The following BBX variants were observed in gnomAD, a reference collection of about 807,000 sequenced individuals.
BBX encodes HMG box transcription factor BBX.
In BBX, 30 loss-of-function variants were observed where a neutral mutation model predicts 100.2. That is an observed-to-expected ratio of 0.30 (90% CI 0.22 to 0.41). The LOEUF (loss-of-function observed/expected upper bound fraction) is 0.41. BBX is among the 10% of genes least tolerant of loss of function. The pLI, the probability that BBX is intolerant of heterozygous loss-of-function variation, is 1.00. For synonymous variants in BBX, 376 were observed against 388.1 expected (o/e 0.97, Z 0.37); for missense variants, 1,023 against 1,129.8 (o/e 0.91, Z 1.35).
At chr3:107,587,345 C>CA (rs1329577363) in intron 2 of BBX, among the ~76,000 whole-genome samples, 42,589 of 93,724 alleles carry the variant, frequency 0.45, 7,613 homozygotes, top group Middle Eastern at 0.57. Flanking sequence ...ACCCTGTCTC[C>CA]AAAAAAAAAA....
chr3:107,729,381 A>G (rs1310320025), intron 6 of BBX, among the ~76,000 whole-genome samples: 1 of 152,164 alleles, frequency 6.6e-6, no homozygotes, highest in Non-Finnish European at 1.5e-5. Context: ...ATTGAGGGCA[A>G]GAATATGAAC....
At chr3:107,802,522 G>T (rs547075125) in intron 17 of BBX, among the ~76,000 whole-genome samples, 3 of 152,216 alleles carry the variant, frequency 2.0e-5, no homozygotes, top group Non-Finnish European at 2.9e-5. Context: ...GCACATACAC[G>T]TGCAGTGAGA....
intron 7 of BBX, 99 bp downstream of exon 7, chr3:107,733,122 C>T (rs1356931769): frequency 5.0e-6 from 5 of 994,794 alleles, no homozygotes; most frequent in Non-Finnish European, 7.5e-6. Context: ...TCACTGTTTA[C>T]AGCTCATGAA....
intron 2 of BBX, among the ~76,000 whole-genome samples, chr3:107,557,195 A>G (rs2050150042): frequency 6.6e-6 from 1 of 152,228 alleles, no homozygotes; most frequent in Non-Finnish European, 1.5e-5. Context: ...AAGAAAATGG[A>G]TGTCTTAGGA....
intron 2 of BBX, among the ~76,000 whole-genome samples, chr3:107,560,464 T>C (rs1217905540): frequency 6.6e-6 from 1 of 152,258 alleles, no homozygotes; most frequent in East Asian, 1.9e-4. Flanking sequence ...TTCTTTCTGA[T>C]AAGCTGTGAT....
chr3:107,791,675 A>G (rs926437023), intron 15 of BBX, among the ~76,000 whole-genome samples: 1 of 152,150 alleles, frequency 6.6e-6, no homozygotes, highest in Admixed American at 6.5e-5. Flanking sequence ...CTGCAGGAGT[A>G]ACTTCTGACC....
intron 7 of BBX, among the ~76,000 whole-genome samples, chr3:107,736,773 A>G (rs1311862900): frequency 6.6e-6 from 1 of 152,142 alleles, no homozygotes; most frequent in Non-Finnish European, 1.5e-5. Context: ...GATCTCAGAA[A>G]GGATGACATC....
At chr3:107,682,156 A>C (rs866136659) in intron 3 of BBX, among the ~76,000 whole-genome samples, 1 of 152,092 alleles carries the variant, frequency 6.6e-6, no homozygotes, top group Non-Finnish European at 1.5e-5. Context: ...TGTTAGGAAC[A>C]TGGGTAGGGT....
intron 2 of BBX, among the ~76,000 whole-genome samples, chr3:107,624,682 A>G (rs932198261): frequency 5.3e-5 from 8 of 152,214 alleles, no homozygotes; most frequent in Non-Finnish European, 1.0e-4. Context: ...TAGCCTGGTC[A>G]ACATGATGAA....
chr3:107,544,712 A>T (rs138710500), intron 2 of BBX, among the ~76,000 whole-genome samples: 162 of 152,084 alleles, frequency 1.1e-3, no homozygotes, highest in African/African-American at 3.5e-3. Context: ...CTCTATAAGA[A>T]ATAAAAAATT....
intron 15 of BBX, among the ~76,000 whole-genome samples, chr3:107,794,912 C>A (rs530764370): frequency 8.5e-4 from 130 of 152,172 alleles, no homozygotes; most frequent in Middle Eastern, 3.2e-3. Flanking sequence ...TCTCTTATTG[C>A]TACATTCCTG....
At chr3:107,688,582 C>T (rs1435424119) in intron 3 of BBX, among the ~76,000 whole-genome samples, 3 of 152,162 alleles carry the variant, frequency 2.0e-5, no homozygotes, top group Non-Finnish European at 4.4e-5. Context: ...GTGTCCAGTG[C>T]TGAGAATGTT....
chr3:107,774,996 C>T (rs958180114), intron 12 of BBX, 139 bp downstream of exon 12: 2 of 936,260 alleles, frequency 2.1e-6, no homozygotes, highest in Non-Finnish European at 3.0e-6. Flanking sequence ...TAGTAGGCAC[C>T]CTAGTGAACA....
At chr3:107,562,747 A>G (rs1310991130) in intron 2 of BBX, among the ~76,000 whole-genome samples, 1 of 152,198 alleles carries the variant, frequency 6.6e-6, no homozygotes. Context: ...TCACATTTAT[A>G]TTTCTGCTGA....
At position 107,638,216 on chromosome 3, in the gene BBX, A is replaced by C. The variant is rs553751181; in HGVS notation, c.-83-7620A>C. The stretch of plus-strand genomic sequence containing the variant: ...ATAGGTGTACATCACTATGCCCAGC[A>C]AATTTTTAAATATTTTGTACAGGCA... On this transcript the variant is annotated intron_variant, in intron 2 of 17. Transcript: ENST00000325805. Among the ~76,000 whole-genome samples, 342 of 151,874 alleles carry C rather than the reference A, an allele frequency of 2.3e-3. 1 individual carries two copies. Among genetic ancestry groups the C allele is most frequent in the Non-Finnish European group, 4.0e-3 (272 of 67,778 alleles).
intron 2 of BBX, among the ~76,000 whole-genome samples, chr3:107,577,961 C>T (rs1393255452): frequency 1.3e-5 from 2 of 152,090 alleles, no homozygotes; most frequent in African/African-American, 4.8e-5. Context: ...GAAAAAAACC[C>T]TTGAGAACAA....
At chr3:107,621,459 G>T (rs1232601936) in intron 2 of BBX, among the ~76,000 whole-genome samples, 1 of 152,086 alleles carries the variant, frequency 6.6e-6, no homozygotes, top group African/African-American at 2.4e-5. Context: ...CATTTTTCTG[G>T]AAGTGGAATT....
intron 2 of BBX, among the ~76,000 whole-genome samples, chr3:107,580,499 A>G (rs1176203933): frequency 6.6e-6 from 1 of 152,188 alleles, no homozygotes; most frequent in African/African-American, 2.4e-5. Flanking sequence ...AGTAAAGAAC[A>G]TTGTCTTTTG....
chr3:107,663,543 GT>G (rs1419866009), intron 3 of BBX, among the ~76,000 whole-genome samples: 2 of 151,842 alleles, frequency 1.3e-5, no homozygotes, highest in Admixed American at 6.6e-5. Flanking sequence ...TTACTTCTGT[GT>G]TTTTCTTGGT....
Sources: allele counts gnomAD v4.1 joint callset (sites outside exome capture counted in the v4.1 genomes callset), GRCh38; gene constraint gnomAD v4.1.1; transcripts MANE v1.5; gene names NCBI Gene and HGNC (gene_info 2026-07-23, HGNC 2026-07-21).